GRIK2: variants seen among roughly 807,000 people sequenced by gnomAD.
The protein encoded by GRIK2 is glutamate ionotropic receptor kainate type subunit 2.
GRIK2 carries 32 observed loss-of-function variants against 100.3 expected under a neutral mutation model. The observed-to-expected ratio is 0.32, with a 90% CI of 0.24 to 0.43. The LOEUF (loss-of-function observed/expected upper bound fraction) is 0.43, where lower values mean the gene tolerates loss of function less well. Among genes scored for constraint, GRIK2 ranks in the 20% least tolerant of loss-of-function variants. The pLI, the probability that GRIK2 is intolerant of heterozygous loss-of-function variation, is 1.00. For missense variants in GRIK2, 843 were observed against 1,114.9 expected (o/e 0.76, Z 3.47); for synonymous variants, 417 against 389.4 (o/e 1.07, Z -0.83).
intron 7 of GRIK2, among the ~76,000 whole-genome samples, chr6:101,693,577 T>C (rs1449045123): frequency 6.6e-6 from 1 of 152,014 alleles, no homozygotes; most frequent in African/African-American, 2.4e-5. Context: ...TGGGAATAGC[T>C]CAAGGGGTGG....
At position 101,909,380 on chromosome 6, in the gene GRIK2, TTC is replaced by T. The variant is rs1562480958; in HGVS notation, c.1749-15219_1749-15218del. Among the ~76,000 whole-genome samples the T allele has an allele frequency of 5.7e-3, 757 of 132,554 alleles. 75 individuals carry two copies. Among genetic ancestry groups the T allele is most frequent in the African/African-American group, 0.022 (705 of 31,792 alleles). The allele number at this position is 132,554 out of a possible 152,430, so 87.0% of individuals were successfully genotyped here. A position where few individuals can be genotyped will look rare whatever the true frequency, so the allele number is the denominator to read the frequency against. ...GCTGAAGGAAGATAGGGTTTTCTTT[TTC>T]TTTTTTTTTTTTTTAAAGATCATTT... On this transcript the variant is annotated intron_variant, in intron 12 of 16. Transcript: ENST00000369134.
intron 14 of GRIK2, among the ~76,000 whole-genome samples, chr6:102,034,742 G>A (rs1039808176): frequency 6.6e-6 from 1 of 151,308 alleles, no homozygotes; most frequent in Admixed American, 6.6e-5. Context: ...AAGTACTGAG[G>A]TGATCAAATT....
At chr6:101,934,248 G>A (rs976695234) in intron 14 of GRIK2, among the ~76,000 whole-genome samples, 31 of 151,768 alleles carry the variant, frequency 2.0e-4, no homozygotes, top group Non-Finnish European at 3.4e-4. Context: ...ATAAACCATC[G>A]TTACTCAAAA....
intron 7 of GRIK2, among the ~76,000 whole-genome samples, chr6:101,688,016 C>T (rs1358684294): frequency 2.0e-5 from 3 of 147,516 alleles, no homozygotes; most frequent in Non-Finnish European, 4.5e-5. Flanking sequence ...ATAATGTATG[C>T]TATCCTTTAA....
intron 2 of GRIK2, among the ~76,000 whole-genome samples, chr6:101,499,687 A>T (rs1357506694): frequency 6.6e-6 from 1 of 152,008 alleles, no homozygotes; most frequent in Admixed American, 6.6e-5. Flanking sequence ...AAATTGGAGT[A>T]TATTATTTGT....
chr6:101,731,146 T>C (rs1775240729), intron 7 of GRIK2, among the ~76,000 whole-genome samples: 1 of 152,070 alleles, frequency 6.6e-6, no homozygotes, highest in Non-Finnish European at 1.5e-5. Flanking sequence ...TACTCATCTT[T>C]AGGAAGGAAT....
Position 101,692,129 on chromosome 6 carries a change from A to G in GRIK2, c.951+5776A>G, listed in dbSNP as rs983385557. Among the ~76,000 whole-genome samples the G allele has an allele frequency of 2.6e-5, 4 of 151,464 alleles. No homozygotes were observed. In the East Asian group the frequency reaches 7.8e-4, roughly 29 times the overall value. On this transcript the variant is annotated intron_variant, in intron 7 of 16. Coordinates refer to ENST00000369134, the MANE Select transcript of GRIK2 (RefSeq NM_021956.5). ...ACAGAACAGACAGGCTTTTTCATTTACTGCTAGAACAACTGCAAGCCCACC... is the reference window on the plus strand; with the variant it reads ...ACAGAACAGACAGGCTTTTTCATTTGCTGCTAGAACAACTGCAAGCCCACC...
intron 4 of GRIK2, among the ~76,000 whole-genome samples, chr6:101,665,909 C>A (rs765350897): frequency 1.3e-5 from 2 of 152,048 alleles, no homozygotes; most frequent in African/African-American, 2.4e-5. Flanking sequence ...GGAGGAGCAG[C>A]TTTGGAGGGT....
chr6:101,498,917 G>C (rs1185266981), intron 2 of GRIK2, among the ~76,000 whole-genome samples: 1 of 152,038 alleles, frequency 6.6e-6, no homozygotes, highest in African/African-American at 2.4e-5. Context: ...CATTGCTTTT[G>C]GTGTTTTAGA....
chr6:101,399,697 T>C (rs548977027), intron 2 of GRIK2, among the ~76,000 whole-genome samples: 1 of 152,310 alleles, frequency 6.6e-6, no homozygotes, highest in South Asian at 2.1e-4. Flanking sequence ...CACTCCCGCC[T>C]GTCTCCCCCG....
chr6:101,831,977 A>C (rs557234844), intron 10 of GRIK2, among the ~76,000 whole-genome samples: 7 of 152,234 alleles, frequency 4.6e-5, no homozygotes, highest in Admixed American at 4.6e-4. Flanking sequence ...AAAATAATTT[A>C]AATCACAAGC....
chr6:101,913,811 T>C (rs1788916317), intron 12 of GRIK2, among the ~76,000 whole-genome samples: 1 of 151,596 alleles, frequency 6.6e-6, no homozygotes, highest in Non-Finnish European at 1.5e-5. Context: ...ATGTATGAGA[T>C]ATTTTTGATC....
Position 101,818,420 on chromosome 6 carries a change from G to T in GRIK2, c.1254G>T (p.Lys418Asn). ...ASGLNMTESQKGKPANITDSL... is the reference protein window; with the variant it reads ...ASGLNMTESQNGKPANITDSL... ...GCCTGAATATGACAGAAAGTCAAAAGGGAAAGCCAGCGAACATCACAGATT... is the reference window on the plus strand; with the variant it reads ...GCCTGAATATGACAGAAAGTCAAAATGGAAAGCCAGCGAACATCACAGATT... The change falls in exon 10 of 17, where the codon AAG becomes AAT. Residue 418 changes from lysine to asparagine, a missense_variant. By Grantham distance (94) the Lys-to-Asn change is moderately conservative (BLOSUM62 0). Transcript: ENST00000369134. 6.2e-7 allele frequency: 1 copy of T among 1,612,524 alleles called. No homozygotes were observed. Among genetic ancestry groups the T allele is most frequent in the Admixed American group, 1.7e-5 (1 of 60,006 alleles).
chr6:101,875,672 T>C (rs1396932376), intron 11 of GRIK2, among the ~76,000 whole-genome samples: 1 of 151,920 alleles, frequency 6.6e-6, no homozygotes, highest in East Asian at 1.9e-4. Flanking sequence ...CATTGTTTTT[T>C]CCCCTCCATT....
intron 7 of GRIK2, among the ~76,000 whole-genome samples, chr6:101,702,028 T>C (rs1772934983): frequency 6.7e-6 from 1 of 149,834 alleles, no homozygotes; most frequent in Admixed American, 6.7e-5. Flanking sequence ...TACTATCATG[T>C]TTCTGTATTT....
At chr6:101,568,503 C>G (rs7755991) in intron 2 of GRIK2, among the ~76,000 whole-genome samples, 13,709 of 152,056 alleles carry the variant, frequency 0.09, 1,594 homozygotes, top group African/African-American at 0.27. Context: ...TTCTGTTTAT[C>G]TACTTTACTA....
At chr6:101,827,763 T>C (rs1042535075) in intron 10 of GRIK2, among the ~76,000 whole-genome samples, 1 of 151,986 alleles carries the variant, frequency 6.6e-6, no homozygotes, top group African/African-American at 2.4e-5. Context: ...TATTCAATAT[T>C]GGAGCTCCCA....
chr6:101,485,654 G>A (rs1772781633), intron 2 of GRIK2, among the ~76,000 whole-genome samples: 2 of 152,070 alleles, frequency 1.3e-5, no homozygotes, highest in South Asian at 2.1e-4. Context: ...ACAACGGTCC[G>A]GGAAGTTTTA....
intron 12 of GRIK2, among the ~76,000 whole-genome samples, chr6:101,899,116 T>C (rs1213594078): frequency 6.7e-6 from 1 of 150,166 alleles, no homozygotes; most frequent in Non-Finnish European, 1.5e-5. Context: ...TTTTTTTTTT[T>C]AAGAAAAAAT....
Sources: gnomAD v4.1 joint callset for allele counts (sites outside exome capture counted in the v4.1 genomes callset) on GRCh38, gnomAD v4.1.1 for gene constraint, MANE v1.5 for transcripts, NCBI Gene and HGNC (gene_info 2026-07-23, HGNC 2026-07-21) for gene names.